The following ELAPOR2 variants were observed in gnomAD, a reference collection of about 807,000 sequenced individuals.
ELAPOR2 encodes the protein endosome/lysosome-associated apoptosis and autophagy regulator family member 2.
In ELAPOR2, 89 loss-of-function variants were observed where a neutral mutation model predicts 120.7. That is an observed-to-expected ratio of 0.74 (90% CI 0.62 to 0.88). ELAPOR2 has a LOEUF of 0.88. Among genes scored for constraint, ELAPOR2 ranks in the 40% least tolerant of loss-of-function variants. The pLI is 0.00. For synonymous variants in ELAPOR2, 444 were observed against 444.9 expected (o/e 1.00, Z 0.03); for missense variants, 1,134 against 1,251.6 (o/e 0.91, Z 1.42).
chr7:86,932,806 T>G (rs987015608), intron 8 of ELAPOR2, among the ~76,000 whole-genome samples: 1 of 152,068 alleles, frequency 6.6e-6, no homozygotes, highest in African/African-American at 2.4e-5. Context: ...CCTGGAAATC[T>G]TCTTTGCAAG....
intron 10 of ELAPOR2, chr7:86,920,776 C>T (rs1459603521): frequency 6.6e-6 from 1 of 152,084 alleles, no homozygotes; most frequent in African/African-American, 2.4e-5. Flanking sequence ...CAGGCTTGAC[C>T]CCAAGCCAGG....
chr7:87,030,701 G>A (rs1794397728), intron 1 of ELAPOR2, among the ~76,000 whole-genome samples: 1 of 152,124 alleles, frequency 6.6e-6, no homozygotes, highest in Admixed American at 6.6e-5. Context: ...GAGGCTGAAA[G>A]CTGCCAGATT....
chr7:87,006,040 T>C (rs1793459180), intron 1 of ELAPOR2, among the ~76,000 whole-genome samples: 1 of 152,156 alleles, frequency 6.6e-6, no homozygotes, highest in African/African-American at 2.4e-5. Flanking sequence ...GAATTTGCAC[T>C]CAGAATATAT....
intron 1 of ELAPOR2, among the ~76,000 whole-genome samples, chr7:87,040,791 G>A (rs1229651542): frequency 6.6e-6 from 1 of 152,192 alleles, no homozygotes; most frequent in Non-Finnish European, 1.5e-5. Context: ...GAGAGAAGAA[G>A]GCTTCAGACA....
chr7:86,970,767 A>G (rs1266753364), intron 1 of ELAPOR2, among the ~76,000 whole-genome samples: 1 of 152,208 alleles, frequency 6.6e-6, no homozygotes, highest in African/African-American at 2.4e-5. Flanking sequence ...TACCATGGAA[A>G]CCTGCTAAGT....
At chr7:86,957,313 T>C (rs761476169) in intron 2 of ELAPOR2, among the ~76,000 whole-genome samples, 3 of 152,192 alleles carry the variant, frequency 2.0e-5, no homozygotes, top group Non-Finnish European at 4.4e-5. Context: ...GAACAAATTT[T>C]TACAAATCTG....
intron 1 of ELAPOR2, among the ~76,000 whole-genome samples, chr7:87,052,833 G>A (rs987959128): frequency 6.7e-6 from 1 of 149,454 alleles, no homozygotes; most frequent in African/African-American, 2.5e-5. Context: ...GTCTTGCTCT[G>A]TCACCCAGAC....
intron 1 of ELAPOR2, among the ~76,000 whole-genome samples, chr7:87,038,863 T>C (rs1041064748): frequency 2.0e-5 from 3 of 151,732 alleles, no homozygotes; most frequent in African/African-American, 7.3e-5. Context: ...AACAATCTAA[T>C]GATGTATCTT....
chr7:86,960,943 A>C (rs1011753520), intron 2 of ELAPOR2, among the ~76,000 whole-genome samples: 1 of 152,152 alleles, frequency 6.6e-6, no homozygotes, highest in African/African-American at 2.4e-5. Context: ...AAAACAACTA[A>C]ATATTAGAAG....
chr7:86,926,349 C>T (rs113011239), intron 9 of ELAPOR2, among the ~76,000 whole-genome samples: 2 of 152,062 alleles, frequency 1.3e-5, no homozygotes, highest in African/African-American at 4.8e-5. Context: ...CTACAGAAGG[C>T]ATGTTTAAAT....
intron 21 of ELAPOR2, among the ~76,000 whole-genome samples, chr7:86,887,660 T>A (rs1379864746): frequency 6.6e-6 from 1 of 152,122 alleles, no homozygotes; most frequent in Non-Finnish European, 1.5e-5. Flanking sequence ...CAGCGGACCT[T>A]CTACATTTCC....
chr7:86,935,724 G>A (rs1436343380), intron 8 of ELAPOR2, among the ~76,000 whole-genome samples: 1 of 151,820 alleles, frequency 6.6e-6, no homozygotes, highest in Non-Finnish European at 1.5e-5. Context: ...CATCTATGGA[G>A]AAATTTACGT....
At chr7:86,880,591 T>G in intron 21 of ELAPOR2, 61 bp from the exon 22 acceptor site, 2 of 1,049,888 alleles carry the variant, frequency 1.9e-6, no homozygotes, top group Non-Finnish European at 2.9e-6. Context: ...TTTTAGGATC[T>G]TACATGTCCA....
At chr7:87,036,242 G>C (rs1309307246) in intron 1 of ELAPOR2, among the ~76,000 whole-genome samples, 1 of 152,182 alleles carries the variant, frequency 6.6e-6, no homozygotes, top group South Asian at 2.1e-4. Flanking sequence ...GGGAGGCTGA[G>C]GTGGGATGAT....
rs1025130360 is a variant in ELAPOR2, at chr7:86,951,075, C to T, written c.311-3153G>A. On this transcript the variant is annotated intron_variant, in intron 2 of 21. Coordinates refer to ENST00000450689, the MANE Select transcript of ELAPOR2 (RefSeq NM_001142749.3). ...AATAATATCATAAACCAAGACCCTA[C>T]AGTACATTAAATCAGAGGTGAGCAA... Among the ~76,000 whole-genome samples the T allele has an allele frequency of 1.3e-5, 2 of 152,266 alleles. 1 individual carries two copies. Among genetic ancestry groups the T allele is most frequent in the South Asian group, 4.1e-4 (2 of 4,820 alleles).
At chr7:86,963,043 A>G (rs1791777037) in intron 2 of ELAPOR2, among the ~76,000 whole-genome samples, 1 of 152,228 alleles carries the variant, frequency 6.6e-6, no homozygotes, top group East Asian at 1.9e-4. Flanking sequence ...TAAGTATACT[A>G]TAAGGGAATA....
intron 9 of ELAPOR2, 98 bp from the exon 10 acceptor site, chr7:86,925,754 A>T: frequency 1.8e-6 from 2 of 1,107,252 alleles, no homozygotes; most frequent in Non-Finnish European, 2.7e-6. Flanking sequence ...ATTAGCAGGG[A>T]GAGAAGTGGA....
intron 1 of ELAPOR2, among the ~76,000 whole-genome samples, chr7:86,984,279 AG>A: frequency 6.6e-6 from 1 of 152,192 alleles, no homozygotes; most frequent in East Asian, 1.9e-4. Flanking sequence ...CAGATCAATG[AG>A]ACAGAAGGTT....
At chr7:87,041,451 C>T (rs1247617498) in intron 1 of ELAPOR2, among the ~76,000 whole-genome samples, 2 of 151,878 alleles carry the variant, frequency 1.3e-5, no homozygotes, top group African/African-American at 4.8e-5. Context: ...AGAGTGGGGG[C>T]CAATATTCAA....
Sources: allele counts gnomAD v4.1 joint callset (sites outside exome capture counted in the v4.1 genomes callset), GRCh38; gene constraint gnomAD v4.1.1; transcripts MANE v1.5; gene names NCBI Gene and HGNC (gene_info 2026-07-23, HGNC 2026-07-21).